The following TBC1D1 variants were observed in gnomAD, a reference collection of about 807,000 sequenced individuals.
TBC1D1 encodes TBC1 (tre-2/USP6, BUB2, cdc16) domain family, member 1.
A neutral mutation model predicts 125.6 loss-of-function variants in TBC1D1; 89 were observed. The ratio of observed to expected loss-of-function variants is 0.71; its 90% confidence interval spans 0.60 to 0.85. The LOEUF (loss-of-function observed/expected upper bound fraction) is 0.85. TBC1D1 is among the 40% of genes least tolerant of loss of function. The probability of loss-of-function intolerance (pLI) is 0.00; values close to 1 mark genes in which losing one functional copy is unlikely to be tolerated. For missense variants in TBC1D1, 1,377 were observed against 1,469.2 expected (o/e 0.94, Z 1.03); for synonymous variants, 565 against 564.1 (o/e 1.00, Z -0.02).
chr4:38,035,488 C>A, intron 7 of TBC1D1, 100 bp from the exon 8 acceptor site: 1 of 848,328 alleles, frequency 1.2e-6, no homozygotes, highest in Non-Finnish European at 1.9e-6. Context: ...TGAGTAAAAG[C>A]ACTAGTTTAG....
At chr4:38,087,738 C>T (rs1439696379) in intron 12 of TBC1D1, among the ~76,000 whole-genome samples, 3 of 148,732 alleles carry the variant, frequency 2.0e-5, no homozygotes, top group Admixed American at 1.4e-4. Flanking sequence ...ACTACTCACT[C>T]GGGAGTCTGA....
intron 12 of TBC1D1, among the ~76,000 whole-genome samples, chr4:38,079,474 A>G (rs1407897669): frequency 6.6e-6 from 1 of 152,170 alleles, no homozygotes; most frequent in Non-Finnish European, 1.5e-5. Context: ...CCTGTATCCC[A>G]GCACGTTGGG....
intron 2 of TBC1D1, among the ~76,000 whole-genome samples, chr4:37,975,096 C>T (rs1167730515): frequency 2.6e-5 from 4 of 152,040 alleles, no homozygotes; most frequent in South Asian, 2.1e-4. Context: ...GTAGTGGTCC[C>T]GAATGCCAGG....
At chr4:38,083,859 T>C (rs1757003328) in intron 12 of TBC1D1, among the ~76,000 whole-genome samples, 1 of 152,196 alleles carries the variant, frequency 6.6e-6, no homozygotes, top group South Asian at 2.1e-4. Flanking sequence ...CCCTGATTCA[T>C]ACTTGGATTT....
intron 5 of TBC1D1, among the ~76,000 whole-genome samples, chr4:38,021,164 C>T (rs530497769): frequency 6.6e-6 from 1 of 152,202 alleles, no homozygotes; most frequent in Non-Finnish European, 1.5e-5. Flanking sequence ...TCTTACATGG[C>T]AGCAGGCAGG....
intron 7 of TBC1D1, among the ~76,000 whole-genome samples, chr4:38,028,292 A>T (rs1745460725): frequency 6.6e-6 from 1 of 152,120 alleles, no homozygotes; most frequent in South Asian, 2.1e-4. Flanking sequence ...CAGCTTCCTG[A>T]GTAGCTGGGA....
intron 3 of TBC1D1, among the ~76,000 whole-genome samples, chr4:38,016,412 C>T (rs375928432): frequency 2.6e-5 from 4 of 152,204 alleles, no homozygotes; most frequent in Non-Finnish European, 1.5e-5. Flanking sequence ...ATTCTTCCCT[C>T]GAGTTGTCAC....
At chr4:38,078,750 G>A (rs1756031394) in intron 12 of TBC1D1, among the ~76,000 whole-genome samples, 1 of 152,202 alleles carries the variant, frequency 6.6e-6, no homozygotes, top group Non-Finnish European at 1.5e-5. Flanking sequence ...AGAAACAAAT[G>A]TGTGTTGTTT....
intron 2 of TBC1D1, among the ~76,000 whole-genome samples, chr4:37,904,411 C>T (rs2995919): frequency 0.39 from 59,418 of 152,070 alleles, 12,459 homozygotes; most frequent in Middle Eastern, 0.48. Context: ...GAGGACTGAA[C>T]AGCCTGTACC....
At chr4:38,064,046 AT>A (rs1267005713) in intron 12 of TBC1D1, among the ~76,000 whole-genome samples, 2 of 152,288 alleles carry the variant, frequency 1.3e-5, no homozygotes, top group African/African-American at 4.8e-5. Context: ...GTCTCTATAG[AT>A]TTGCCTATTC....
intron 12 of TBC1D1, among the ~76,000 whole-genome samples, chr4:38,066,688 C>T (rs1332135402): frequency 6.6e-6 from 1 of 151,980 alleles, no homozygotes; most frequent in Non-Finnish European, 1.5e-5. Context: ...GCTATGCATG[C>T]CCCCCCTGGA....
At chr4:38,098,649 T>G (rs1420760386) in intron 14 of TBC1D1, among the ~76,000 whole-genome samples, 1 of 152,238 alleles carries the variant, frequency 6.6e-6, no homozygotes, top group African/African-American at 2.4e-5. Context: ...TCAGGTGGTT[T>G]TAACACATTA....
chr4:38,062,122 A>G (rs974612302), intron 12 of TBC1D1, among the ~76,000 whole-genome samples: 2 of 152,112 alleles, frequency 1.3e-5, no homozygotes, highest in Non-Finnish European at 2.9e-5. Flanking sequence ...TAGACTCCTC[A>G]GGATTCTGAT....
At position 38,020,639 on chromosome 4, in the gene TBC1D1, G is replaced by C. The variant is rs765662695; in HGVS notation, c.1021G>C (p.Gly341Arg). ...TGGGTTTATCTGTCGGGAGTCTTCCGGAGGTGGCGGCTTTCATTTTGTCTG... is the reference window on the plus strand; with the variant it reads ...TGGGTTTATCTGTCGGGAGTCTTCCCGAGGTGGCGGCTTTCATTTTGTCTG... Residue 341 changes from glycine (G) to arginine (R), a missense_variant, in exon 5 of 20, where the codon GGA becomes CGA. Transcript: ENST00000261439. 1 of 1,613,082 alleles carries C rather than the reference G, an allele frequency of 6.2e-7. No individual in the cohort carries two copies. Among genetic ancestry groups the C allele is most frequent in the African/African-American group, 1.3e-5 (1 of 74,874 alleles).
chr4:37,954,866 A>T (rs79446248), intron 2 of TBC1D1, among the ~76,000 whole-genome samples: 19 of 119,118 alleles, frequency 1.6e-4, no homozygotes, highest in East Asian at 5.3e-4. Flanking sequence ...TTAGCAGTGG[A>T]TTTTTTTTTT....
At chr4:38,090,177 A>T (rs373474764) in intron 13 of TBC1D1, 60 bp downstream of exon 15, 2 of 1,528,424 alleles carry the variant, frequency 1.3e-6, no homozygotes, top group Admixed American at 3.6e-5. Flanking sequence ...GAAGTTAATC[A>T]CATCAGACAT....
intron 18 of TBC1D1, among the ~76,000 whole-genome samples, chr4:38,131,399 G>T (rs1765563925): frequency 6.6e-6 from 1 of 152,220 alleles, no homozygotes; most frequent in African/African-American, 2.4e-5. Context: ...TTACTGTTCA[G>T]ACTATTCAGA....
chr4:37,939,978 T>C (rs1335854834), intron 2 of TBC1D1, among the ~76,000 whole-genome samples: 1 of 152,248 alleles, frequency 6.6e-6, no homozygotes, highest in Non-Finnish European at 1.5e-5. Context: ...CTTTGTTCTT[T>C]TGGCTTAGGA....
At chr4:37,906,778 C>T (rs141549914) in intron 2 of TBC1D1, among the ~76,000 whole-genome samples, 10 of 152,290 alleles carry the variant, frequency 6.6e-5, no homozygotes, top group Non-Finnish European at 7.4e-5. Context: ...TTTTTGAAGA[C>T]CCCTTGTATA....
Sources: allele counts gnomAD v4.1 joint callset (sites outside exome capture counted in the v4.1 genomes callset), GRCh38; gene constraint gnomAD v4.1.1; transcripts MANE v1.5; gene names NCBI Gene and HGNC (gene_info 2026-07-23, HGNC 2026-07-21).